The following NRG3 variants were observed in gnomAD, a reference collection of about 807,000 sequenced individuals.
NRG3 encodes pro-neuregulin-3, membrane-bound isoform.
Under a neutral mutation model 66.9 loss-of-function variants are expected in NRG3, and 31 were observed. That is an observed-to-expected ratio of 0.46 (90% CI 0.35 to 0.63). NRG3 has a LOEUF of 0.63. NRG3 is among the 20% of genes least tolerant of loss of function. The pLI is 0.00. For synonymous variants in NRG3, 393 were observed against 359.4 expected (o/e 1.09, Z -1.06); for missense variants, 910 against 878.9 (o/e 1.04, Z -0.45).
chr10:82,662,426 T>C (rs984908363), intron 2 of NRG3, among the ~76,000 whole-genome samples: 1 of 151,818 alleles, frequency 6.6e-6, no homozygotes, highest in Non-Finnish European at 1.5e-5. Context: ...TAATAGAAGG[T>C]CTGGGGTATC....
intron 3 of NRG3, chr10:82,843,146 G>T (rs370131829): frequency 2.2e-5 from 9 of 401,252 alleles, no homozygotes; most frequent in African/African-American, 1.8e-4. Context: ...TCTGAAACAT[G>T]CTTATTGCAT....
chr10:82,346,903 G>C (rs988965182), intron 1 of NRG3, among the ~76,000 whole-genome samples: 1 of 151,910 alleles, frequency 6.6e-6, no homozygotes, highest in African/African-American at 2.4e-5. Flanking sequence ...TGTGGGATCG[G>C]TGGTGATATC....
At position 82,482,034 on chromosome 10, in the gene NRG3, C is replaced by T. The variant is rs181731465; in HGVS notation, c.953+123166C>T. The stretch of plus-strand genomic sequence containing the variant: ...GTAGTAGAAATACAGTATTATGTTT[C>T]GAAGCACAGCTTAGCTCAATGCCTG... On this transcript the variant is annotated intron_variant, in intron 2 of 8. Coordinates refer to ENST00000372141, the MANE Select transcript of NRG3 (RefSeq NM_001010848.4). Among the ~76,000 whole-genome samples, 120 of 152,058 alleles carry T rather than the reference C, an allele frequency of 7.9e-4. 1 individual carries two copies. The highest frequency in any genetic ancestry group is 5.8e-3 in the East Asian group (30 of 5,172).
At chr10:82,669,237 C>T (rs1804584350) in intron 2 of NRG3, among the ~76,000 whole-genome samples, 1 of 136,708 alleles carries the variant, frequency 7.3e-6, no homozygotes, top group Admixed American at 7.8e-5. Context: ...ACTAGTCAGC[C>T]ATTTATGATG....
At chr10:82,020,909 C>A (rs1232766880) in intron 1 of NRG3, among the ~76,000 whole-genome samples, 1 of 152,082 alleles carries the variant, frequency 6.6e-6, no homozygotes, top group East Asian at 1.9e-4. Context: ...ACATCCAATC[C>A]TGCTAGTTCC....
At chr10:82,258,253 T>C (rs2134173282) in intron 1 of NRG3, among the ~76,000 whole-genome samples, 1 of 152,356 alleles carries the variant, frequency 6.6e-6, no homozygotes. Flanking sequence ...ATGGTGATAA[T>C]AGTTGTGCTC....
At chr10:81,893,964 C>T (rs1480248645) in intron 1 of NRG3, among the ~76,000 whole-genome samples, 2 of 152,138 alleles carry the variant, frequency 1.3e-5, no homozygotes, top group Admixed American at 6.6e-5. Flanking sequence ...CATGGAGTCC[C>T]CAGGTAACGT....
intron 3 of NRG3, 85 bp from the exon 4 acceptor site, chr10:82,865,326 T>C (rs936477897): frequency 2.8e-5 from 39 of 1,409,438 alleles, no homozygotes; most frequent in Non-Finnish European, 3.5e-5. Context: ...GTTAGTCTTA[T>C]GAGCACTGAT....
chr10:82,599,984 C>G lies in NRG3; in HGVS notation c.954-138593C>G, dbSNP rs1590825713. On this transcript the variant is annotated intron_variant, in intron 2 of 8. Coordinates refer to ENST00000372141, the MANE Select transcript of NRG3 (RefSeq NM_001010848.4). The stretch of plus-strand genomic sequence containing the variant: ...CTGTCCAATGTAATATGAAAATGCT[C>G]TCTGCATTCTCTACTTATAATACTT... Among the ~76,000 whole-genome samples, 4 of 152,166 alleles carry G rather than the reference C, an allele frequency of 2.6e-5. No homozygotes were observed. In the South Asian group the frequency reaches 8.3e-4, roughly 32 times the overall value.
chr10:82,765,643 G>T (rs543987792), intron 3 of NRG3, among the ~76,000 whole-genome samples: 2 of 152,126 alleles, frequency 1.3e-5, no homozygotes, highest in East Asian at 1.9e-4. Flanking sequence ...AATCAATTCA[G>T]TAATTCATTT....
chr10:82,054,034 T>G (rs1458932255), intron 1 of NRG3, among the ~76,000 whole-genome samples: 1 of 152,162 alleles, frequency 6.6e-6, no homozygotes, highest in Non-Finnish European at 1.5e-5. Flanking sequence ...TGGTAGGATA[T>G]GAGGTCGGAG....
At chr10:82,090,442 T>G (rs2065959841) in intron 1 of NRG3, among the ~76,000 whole-genome samples, 1 of 152,242 alleles carries the variant, frequency 6.6e-6, no homozygotes, top group Non-Finnish European at 1.5e-5. Flanking sequence ...AAGAATAAAT[T>G]TTTAAAATTT....
chr10:82,003,933 G>A (rs557391827), intron 1 of NRG3, among the ~76,000 whole-genome samples: 5 of 151,204 alleles, frequency 3.3e-5, no homozygotes, highest in South Asian at 2.1e-4. Flanking sequence ...TGGGAGGATC[G>A]CTTGAGCCCA....
At chr10:82,745,618 CA>C (rs1481718527) in intron 3 of NRG3, among the ~76,000 whole-genome samples, 2 of 152,128 alleles carry the variant, frequency 1.3e-5, no homozygotes, top group Non-Finnish European at 2.9e-5. Context: ...ATGAATCTCA[CA>C]AAACCCATTA....
intron 1 of NRG3, among the ~76,000 whole-genome samples, chr10:81,950,609 G>T (rs891590316): frequency 6.6e-6 from 1 of 152,132 alleles, no homozygotes; most frequent in Non-Finnish European, 1.5e-5. Context: ...TCATTGTACG[G>T]GAAGGTAAAC....
chr10:82,575,307 C>T (rs2045967561), intron 2 of NRG3, among the ~76,000 whole-genome samples: 1 of 151,212 alleles, frequency 6.6e-6, no homozygotes, highest in Non-Finnish European at 1.5e-5. Context: ...AGTTGATAAT[C>T]CTGGGGGACA....
chr10:82,635,962 G>A (rs66508613), intron 2 of NRG3, among the ~76,000 whole-genome samples: 24,340 of 152,084 alleles, frequency 0.16, 2,244 homozygotes, highest in Middle Eastern at 0.28. Flanking sequence ...TCCATATGTA[G>A]AGTGGCTTCG....
chr10:82,228,644 G>T (rs954650675), intron 1 of NRG3, among the ~76,000 whole-genome samples: 1 of 152,052 alleles, frequency 6.6e-6, no homozygotes, highest in Non-Finnish European at 1.5e-5. Context: ...AAGACTTTTG[G>T]ACTTAAAATG....
intron 2 of NRG3, among the ~76,000 whole-genome samples, chr10:82,679,403 T>C (rs2053949816): frequency 6.6e-6 from 1 of 152,190 alleles, no homozygotes; most frequent in African/African-American, 2.4e-5. Flanking sequence ...ATTTACAAAA[T>C]CACTTGAAAT....
Sources: gnomAD v4.1 joint callset for allele counts (sites outside exome capture counted in the v4.1 genomes callset) on GRCh38, gnomAD v4.1.1 for gene constraint, MANE v1.5 for transcripts, NCBI Gene and HGNC (gene_info 2026-07-23, HGNC 2026-07-21) for gene names.